MACO1: variants seen among roughly 807,000 people sequenced by gnomAD.
MACO1 encodes macoilin.
Under a neutral mutation model 78.7 loss-of-function variants are expected in MACO1, and 14 were observed. That is an observed-to-expected ratio of 0.18 (90% CI 0.12 to 0.28). The LOEUF is 0.28. MACO1 is among the 10% of genes least tolerant of loss of function. MACO1 has a pLI of 1.00. For synonymous variants in MACO1, 288 were observed against 291.6 expected, an observed-to-expected ratio of 0.99 and a Z score of 0.12; for missense variants, 501 against 799.0, an observed-to-expected ratio of 0.63 and a Z score of 4.50.
intron 6 of MACO1, among the ~76,000 whole-genome samples, chr1:25,482,947 T>C (rs1007025035): frequency 1.3e-5 from 2 of 152,258 alleles, no homozygotes; most frequent in African/African-American, 4.8e-5. Context: ...CCTTGTCTTA[T>C]TGTTTAATCA....
chr1:25,436,072 C>G (rs2042916881), intron 1 of MACO1, among the ~76,000 whole-genome samples: 1 of 152,204 alleles, frequency 6.6e-6, no homozygotes, highest in Non-Finnish European at 1.5e-5. Context: ...TTGATAGTCT[C>G]CTTTTTCTTC....
chr1:25,491,617 T>C (rs747892183), intron 10 of MACO1, 33 bp downstream of exon 10: 2 of 1,594,276 alleles, frequency 1.3e-6, no homozygotes. Context: ...TGAGGTGGTG[T>C]GACTGATAAT....
At chr1:25,435,874 GC>G (rs2042915144) in intron 1 of MACO1, among the ~76,000 whole-genome samples, 1 of 152,064 alleles carries the variant, frequency 6.6e-6, no homozygotes, top group Non-Finnish European at 1.5e-5. Flanking sequence ...TTAAAAATCG[GC>G]CACACTGGGA....
At chr1:25,456,573 C>A in intron 4 of MACO1, 80 bp from the exon 5 acceptor site, 1 of 1,402,450 alleles carries the variant, frequency 7.1e-7, no homozygotes, top group Non-Finnish European at 9.8e-7. Flanking sequence ...AATTTTTAAG[C>A]CATAGGTATT....
intron 5 of MACO1, among the ~76,000 whole-genome samples, chr1:25,457,652 A>G (rs2043133164): frequency 6.6e-6 from 1 of 152,196 alleles, no homozygotes; most frequent in Non-Finnish European, 1.5e-5. Flanking sequence ...AATCTCTCTC[A>G]TGGGCATTTG....
chr1:25,430,995 C>T lies in MACO1; in HGVS notation c.-104C>T. On this transcript the variant is annotated 5_prime_UTR_variant, in exon 1 of 11. Transcript: ENST00000374343. ...CTGGCTCCATGTCTGTGTGACCGGC[C>T]TCAGGGGTAGAGTCCAGGCCCGACG... is the stretch of plus-strand genomic sequence containing the variant. The T allele has an allele frequency of 2.4e-6, 2 of 848,034 alleles. No individual in the cohort carries two copies. Among genetic ancestry groups the T allele is most frequent in the East Asian group, 3.3e-5 (1 of 30,442 alleles). 52.5% of individuals were successfully genotyped at this position (848,034 alleles called of 1,614,324 possible). A position where few individuals can be genotyped will look rare whatever the true frequency, so the allele number is the denominator to read the frequency against.
chr1:25,477,341 A>G (rs760800291), intron 6 of MACO1, among the ~76,000 whole-genome samples: 3 of 151,862 alleles, frequency 2.0e-5, no homozygotes, highest in Non-Finnish European at 2.9e-5. Flanking sequence ...GGAGTGGGTC[A>G]TTTTGGCTGA....
At chr1:25,452,722 A>T (rs2043078256) in intron 3 of MACO1, among the ~76,000 whole-genome samples, 1 of 147,104 alleles carries the variant, frequency 6.8e-6, no homozygotes, top group Non-Finnish European at 1.5e-5. Context: ...TTTGAGGCAG[A>T]GTCTCGCTCT....
intron 3 of MACO1, among the ~76,000 whole-genome samples, chr1:25,452,646 T>C (rs533996208): frequency 1.3e-5 from 2 of 152,318 alleles, no homozygotes; most frequent in African/African-American, 4.8e-5. Flanking sequence ...TTCCTGTTGA[T>C]GAACATTTAA....
chr1:25,449,255 GAAA>G (rs1185753948), intron 3 of MACO1, among the ~76,000 whole-genome samples: 1 of 150,316 alleles, frequency 6.7e-6, no homozygotes, highest in Non-Finnish European at 1.5e-5. Flanking sequence ...TGCCAAAAAA[GAAA>G]AAAAAATGTT....
At chr1:25,484,055 C>T in intron 6 of MACO1, 61 bp from the exon 7 acceptor site, 1 of 1,524,018 alleles carries the variant, frequency 6.6e-7, no homozygotes, top group Non-Finnish European at 8.8e-7. Context: ...CCCACCAGGT[C>T]CCTCCCAGCT....
chr1:25,445,693 A>G (rs886434816), intron 1 of MACO1, among the ~76,000 whole-genome samples: 2 of 151,324 alleles, frequency 1.3e-5, no homozygotes, highest in East Asian at 3.9e-4. Context: ...AAAAATCTCA[A>G]TTTTGTTGTT....
In MACO1 at chr1:25,454,416, GTA is replaced by G. The variant is rs762220172; in HGVS notation, c.473+38_473+39del. On this transcript the variant is annotated intron_variant, in intron 4 of 10. Coordinates refer to ENST00000374343, the MANE Select transcript of MACO1 (RefSeq NM_018202.6). Reference sequence around the variant, plus strand: ...TACATAAATGTATGTGTGTGTGTGTGTATATGTGTGTATGTATATATATGTGT... The same window carrying G: ...TACATAAATGTATGTGTGTGTGTGTGTATGTGTGTATGTATATATATGTGT... The G allele has an allele frequency of 5.5e-5, 74 of 1,351,010 alleles. 1 individual carries two copies. The South Asian group carries it at 8.2e-4, about 15-fold the overall frequency. The allele number at this position is 1,351,010 out of a possible 1,614,324, so 83.7% of individuals were successfully genotyped here.
intron 4 of MACO1, 106 bp downstream of exon 4, chr1:25,454,488 A>ATATAT (rs1441909435): frequency 1.1e-4 from 8 of 72,376 alleles, no homozygotes; most frequent in African/African-American, 2.9e-4. Flanking sequence ...ATATATATAT[A>ATATAT]TTTTTTTTTT....
chr1:25,454,476 A>G lies in MACO1; in HGVS notation c.473+94A>G, dbSNP rs1219995186. ...TGTGTGTGTGTGTGTGTGTGTATAT[A>G]TATATATATATATTTTTTTTTTTTT... is the stretch of plus-strand genomic sequence containing the variant. On this transcript the variant is annotated intron_variant, in intron 4 of 10. Transcript: ENST00000374343. 2.5e-5 allele frequency: 4 copies of G among 157,858 alleles called. 1 individual carries two copies. The highest frequency in any genetic ancestry group is 1.9e-4 in the East Asian group (1 of 5,188). 9.8% of individuals were successfully genotyped at this position (157,858 alleles called of 1,614,324 possible).
intron 6 of MACO1, among the ~76,000 whole-genome samples, chr1:25,464,667 C>G (rs1047831292): frequency 9.8e-5 from 10 of 102,484 alleles, no homozygotes; most frequent in African/African-American, 1.5e-4. Context: ...CCCACCCCCC[C>G]CCTCCGCGAA....
intron 4 of MACO1, 106 bp downstream of exon 4, chr1:25,454,488 ATT>A (rs1166653485): frequency 5.9e-4 from 43 of 72,336 alleles, no homozygotes; most frequent in East Asian, 1.6e-3. Flanking sequence ...ATATATATAT[ATT>A]TTTTTTTTTT....
At chr1:25,448,237 G>A (rs11249252) in intron 2 of MACO1, among the ~76,000 whole-genome samples, 7,690 of 152,126 alleles carry the variant, frequency 0.051, 609 homozygotes, top group African/African-American at 0.17. Flanking sequence ...GGCCAAGGCG[G>A]GCGGATCACA....
intron 1 of MACO1, among the ~76,000 whole-genome samples, chr1:25,443,665 C>T (rs1315318613): frequency 2.6e-5 from 4 of 152,208 alleles, no homozygotes; most frequent in Admixed American, 6.5e-5. Flanking sequence ...TTAAAAAGTA[C>T]GTATTCAACA....
Sources: allele counts gnomAD v4.1 joint callset (sites outside exome capture counted in the v4.1 genomes callset), GRCh38; gene constraint gnomAD v4.1.1; transcripts MANE v1.5; gene names NCBI Gene and HGNC (gene_info 2026-07-23, HGNC 2026-07-21).